Variants in GPR39 observed in about 807,000 individuals in gnomAD.
GPR39 encodes the protein G protein-coupled receptor 39, also known as zinc sensing receptor.
GPR39 carries 23 observed loss-of-function variants against 18.4 expected under a neutral mutation model. The observed-to-expected ratio is 1.25, with a 90% CI of 0.90 to 1.77. GPR39 has a LOEUF of 1.77. Ranked by LOEUF, GPR39 falls within the 40% of genes most tolerant of loss-of-function variation. The pLI is 0.00. For synonymous variants in GPR39, 280 were observed against 257.9 expected, an observed-to-expected ratio of 1.09 and a Z score of -0.82; for missense variants, 647 against 602.4, an observed-to-expected ratio of 1.07 and a Z score of -0.78.
chr2:132,458,869 C>G (rs949924542), intron 1 of GPR39, among the ~76,000 whole-genome samples: 1 of 150,608 alleles, frequency 6.6e-6, no homozygotes, highest in Non-Finnish European at 1.5e-5. Context: ...TGCCAAATCT[C>G]TCTCCTCCCC....
At chr2:132,506,170 T>TC (rs397688702) in intron 1 of GPR39, among the ~76,000 whole-genome samples, 1 of 151,956 alleles carries the variant, frequency 6.6e-6, no homozygotes, top group Non-Finnish European at 1.5e-5. Flanking sequence ...CATTTTTTTT[T>TC]CATATACTTA....
chr2:132,492,799 TACCATATATATAC>T (rs1285030445), intron 1 of GPR39, among the ~76,000 whole-genome samples: 24 of 140,188 alleles, frequency 1.7e-4, no homozygotes, highest in African/African-American at 4.9e-4. Flanking sequence ...ATACCATATA[TACCATATATATAC>T]ATACCATATA....
chr2:132,502,221 T>C (rs906655550), intron 1 of GPR39, among the ~76,000 whole-genome samples: 1 of 152,222 alleles, frequency 6.6e-6, no homozygotes, highest in Non-Finnish European at 1.5e-5. Context: ...ATTTTGAGGA[T>C]ATGCTTCAAG....
At chr2:132,453,648 A>C (rs572627701) in intron 1 of GPR39, among the ~76,000 whole-genome samples, 155 of 152,272 alleles carry the variant, frequency 1.0e-3, no homozygotes, top group African/African-American at 3.5e-3. Context: ...TCTTGAATTA[A>C]TTTTTGTATA....
intron 1 of GPR39, among the ~76,000 whole-genome samples, chr2:132,422,737 A>G (rs1680038270): frequency 1.3e-5 from 2 of 152,024 alleles, no homozygotes; most frequent in African/African-American, 4.8e-5. Context: ...ATAAATTGCA[A>G]GTGTCCTGTG....
At chr2:132,638,592 G>A (rs1285058374) in intron 1 of GPR39, among the ~76,000 whole-genome samples, 1 of 152,202 alleles carries the variant, frequency 6.6e-6, no homozygotes, top group Non-Finnish European at 1.5e-5. Flanking sequence ...CAAGGTTGGT[G>A]CTGATTTGGA....
At chr2:132,540,532 T>C (rs1679843608) in intron 1 of GPR39, among the ~76,000 whole-genome samples, 1 of 152,110 alleles carries the variant, frequency 6.6e-6, no homozygotes, top group Admixed American at 6.5e-5. Flanking sequence ...GTATTGCAGG[T>C]GTTTGTGAGC....
At chr2:132,463,312 G>A (rs953364842) in intron 1 of GPR39, among the ~76,000 whole-genome samples, 4 of 150,890 alleles carry the variant, frequency 2.7e-5, no homozygotes, top group African/African-American at 9.9e-5. Context: ...GCAGGGCTAG[G>A]GTTCTCTGGT....
chr2:132,629,055 AC>A (rs1681603162), intron 1 of GPR39, among the ~76,000 whole-genome samples: 1 of 152,164 alleles, frequency 6.6e-6, no homozygotes, highest in South Asian at 2.1e-4. Flanking sequence ...AGGAGAGGAT[AC>A]TTGAGCTGGT....
At chr2:132,493,255 CAT>C (rs1241078200) in intron 1 of GPR39, among the ~76,000 whole-genome samples, 2 of 140,650 alleles carry the variant, frequency 1.4e-5, no homozygotes, top group South Asian at 2.3e-4. Flanking sequence ...ATATATACAC[CAT>C]ATATATACCA....
In GPR39 at chr2:132,557,097, T is replaced by C. The variant is rs191890716; in HGVS notation, c.857-88004T>C. On this transcript the variant is annotated intron_variant, in intron 1 of 1. Coordinates refer to ENST00000329321, the MANE Select transcript of GPR39 (RefSeq NM_001508.3). ...TTGGGAGGCCAAGGGGGGGGGCAGATCACTTGAGGTCAAGAGTTCGAGACC... is the reference window on the plus strand; with the variant it reads ...TTGGGAGGCCAAGGGGGGGGGCAGACCACTTGAGGTCAAGAGTTCGAGACC... 2.0e-4 allele frequency among the ~76,000 whole-genome samples: 30 copies of C among 151,956 alleles called. 1 individual carries two copies. Among genetic ancestry groups the C allele is most frequent in the Admixed American group, 5.2e-4 (8 of 15,260 alleles).
At chr2:132,427,982 TA>T (rs1268521816) in intron 1 of GPR39, among the ~76,000 whole-genome samples, 1 of 147,870 alleles carries the variant, frequency 6.8e-6, no homozygotes, top group Non-Finnish European at 1.5e-5. Context: ...AATATATATA[TA>T]TTTAAAAGAC....
chr2:132,483,715 G>T (rs1349446939), intron 1 of GPR39, among the ~76,000 whole-genome samples: 1 of 152,088 alleles, frequency 6.6e-6, no homozygotes, highest in Non-Finnish European at 1.5e-5. Flanking sequence ...TCTCCAAAAT[G>T]CATTCACATT....
intron 1 of GPR39, among the ~76,000 whole-genome samples, chr2:132,466,351 C>T (rs1264167016): frequency 1.3e-5 from 2 of 152,190 alleles, no homozygotes; most frequent in Admixed American, 1.3e-4. Context: ...AAAACCTATA[C>T]TTTCTGGATG....
chr2:132,445,917 A>G (rs560584596), intron 1 of GPR39, among the ~76,000 whole-genome samples: 3 of 152,320 alleles, frequency 2.0e-5, no homozygotes, highest in East Asian at 1.9e-4. Context: ...CTTGTCTGGC[A>G]TAGCCCACTA....
rs1314525538 is a variant in GPR39, at chr2:132,645,550, G to A, written c.1306G>A (p.Gly436Ser). Residue 436 changes from glycine to serine, a missense_variant, in exon 2 of 2, where the codon GGC (glycine) becomes AGC (serine). By Grantham distance (56) the Gly-to-Ser change is moderately conservative. Around this residue, in one of 3 missense-constraint regions of GPR39, gnomAD observed 581 missense variants for 506.8 expected, o/e 1.15. Coordinates refer to ENST00000329321, the MANE Select transcript of GPR39 (RefSeq NM_001508.3). ...LSLESLEPNS[G>S]AKPANSAAEN... ...TCTCGAGTCACTAGAGCCCAACTCAGGCGCGAAACCAGCCAATTCTGCTGC... is the reference window on the plus strand; with the variant it reads ...TCTCGAGTCACTAGAGCCCAACTCAAGCGCGAAACCAGCCAATTCTGCTGC... 3 of 1,614,032 alleles carry A rather than the reference G, an allele frequency of 1.9e-6. No homozygotes were observed. Among genetic ancestry groups the A allele is most frequent in the Non-Finnish European group, 2.5e-6 (3 of 1,180,034 alleles).
At chr2:132,640,656 T>C (rs1681841169) in intron 1 of GPR39, among the ~76,000 whole-genome samples, 1 of 140,510 alleles carries the variant, frequency 7.1e-6, no homozygotes. Flanking sequence ...GATATACAAA[T>C]CCAAATTGTG....
chr2:132,529,546 G>A (rs1025360091), intron 1 of GPR39, among the ~76,000 whole-genome samples: 1 of 152,230 alleles, frequency 6.6e-6, no homozygotes, highest in Non-Finnish European at 1.5e-5. Flanking sequence ...AGAATGGGCG[G>A]ACTGCCTCCT....
chr2:132,645,814 T>TTTCACTCCACCTCCTTCCTTC lies in GPR39; in HGVS notation c.*209_*229dup, dbSNP rs1682038818. The TTTCACTCCACCTCCTTCCTTC allele has an allele frequency of 1.4e-6, 1 of 711,526 alleles. No individual in the cohort carries two copies. The highest frequency in any genetic ancestry group is 2.3e-6 in the Non-Finnish European group (1 of 443,238). 44.1% of individuals were successfully genotyped at this position (711,526 alleles called of 1,614,324 possible). ...CGGTTACACAGACATGGGGGTGAAC[T>TTTCACTCCACCTCCTTCCTTC]TTCACTCCACCTCCTTCCTTCAAGT... On this transcript the variant is annotated 3_prime_UTR_variant, in exon 2 of 2. Transcript: ENST00000329321.
Sources: allele counts gnomAD v4.1 joint callset (sites outside exome capture counted in the v4.1 genomes callset), GRCh38; gene constraint gnomAD v4.1.1; regional missense constraint gnomAD v4.1.1; transcripts MANE v1.5; gene names NCBI Gene and HGNC (gene_info 2026-07-23, HGNC 2026-07-21).